RIOX2: variants seen among roughly 807,000 people sequenced by gnomAD.
RIOX2 encodes the protein 60S ribosomal protein L27a histidine hydroxylase.
RIOX2 carries 43 observed loss-of-function variants against 51.2 expected under a neutral mutation model. That is an observed-to-expected ratio of 0.84 (90% CI 0.66 to 1.08). The LOEUF (loss-of-function observed/expected upper bound fraction) is 1.08, where lower values mean the gene tolerates loss of function less well. Ranked by LOEUF, RIOX2 falls within the 50% of genes least tolerant of loss-of-function variation. The pLI is 0.00. For missense variants in RIOX2, 566 were observed against 561.7 expected, an observed-to-expected ratio of 1.01 and a Z score of -0.08; for synonymous variants, 226 against 218.5, an observed-to-expected ratio of 1.03 and a Z score of -0.30.
intron 9 of RIOX2, 149 bp from the exon 10 acceptor site, chr3:97,945,491 A>G: frequency 1.4e-6 from 1 of 703,786 alleles, no homozygotes; most frequent in Non-Finnish European, 2.3e-6. Context: ...AACATAAAAG[A>G]TGCCAACTTC....
Position 97,949,077 on chromosome 3 carries a change from T to C in RIOX2, c.1060+767A>G, listed in dbSNP as rs142521846. Among the ~76,000 whole-genome samples the C allele has an allele frequency of 5.9e-3, 898 of 152,276 alleles. 11 individuals are homozygous for C. The highest frequency in any genetic ancestry group is 0.02 in the African/African-American group (824 of 41,552). On this transcript the variant is annotated intron_variant, in intron 7 of 9. Coordinates refer to ENST00000394198, the MANE Select transcript of RIOX2 (RefSeq NM_153182.4). ...GATGGTAACAATTTTACCCATGCTA[T>C]GATTTGGATGTTTGTCCCATCCAAA...
chr3:97,965,761 A>G (rs776097115), intron 2 of RIOX2, among the ~76,000 whole-genome samples: 1 of 152,234 alleles, frequency 6.6e-6, no homozygotes, highest in Non-Finnish European at 1.5e-5. Context: ...CATATGCCAA[A>G]TATCATCTCT....
In RIOX2 at chr3:97,947,449, C is replaced by T; in HGVS notation, c.1061G>A (p.Gly354Asp). Residue 354 changes from glycine (G) to aspartate (D), a missense_variant and splice_region_variant, in exon 8 of 10, where the codon GGT becomes GAT. Gly to Asp is a moderately conservative substitution (Grantham distance 94). Coordinates refer to ENST00000394198, the MANE Select transcript of RIOX2 (RefSeq NM_153182.4). ...AGDGAELSTP[G>D]GKLPRLDSVV... Reference sequence around the variant, plus strand: ...ACTGTCCAGCCTCGGTAACTTTCCACCTAGAAAACCCCAAAGAGAGAAAGC... The same window carrying T: ...ACTGTCCAGCCTCGGTAACTTTCCATCTAGAAAACCCCAAAGAGAGAAAGC... 1 of 1,612,594 alleles carries T rather than the reference C, an allele frequency of 6.2e-7. No homozygotes were observed. The highest frequency in any genetic ancestry group is 8.5e-7 in the Non-Finnish European group (1 of 1,178,924).
intron 8 of RIOX2, among the ~76,000 whole-genome samples, chr3:97,946,454 A>C (rs1046039809): frequency 6.6e-6 from 1 of 151,680 alleles, no homozygotes; most frequent in Non-Finnish European, 1.5e-5. Flanking sequence ...CAGAGCCTTT[A>C]GTCATTCTTT....
intron 2 of RIOX2, among the ~76,000 whole-genome samples, chr3:97,966,521 T>C (rs1253230920): frequency 6.6e-6 from 1 of 152,240 alleles, no homozygotes; most frequent in Non-Finnish European, 1.5e-5. Context: ...ATTTCCCAAA[T>C]GTCAATCCCT....
intron 2 of RIOX2, among the ~76,000 whole-genome samples, chr3:97,963,128 AC>A (rs1559763495): frequency 6.6e-6 from 1 of 152,128 alleles, no homozygotes; most frequent in Non-Finnish European, 1.5e-5. Flanking sequence ...ATGAAAAAAG[AC>A]TTTTTTAAGA....
intron 1 of RIOX2, 139 bp from the exon 2 acceptor site, chr3:97,967,771 G>T: frequency 1.7e-6 from 1 of 598,608 alleles, no homozygotes; most frequent in Non-Finnish European, 2.8e-6. Flanking sequence ...CTTCCCCCAG[G>T]ATAGGAGACA....
At chr3:97,960,650 C>G (rs2107176702) in intron 3 of RIOX2, among the ~76,000 whole-genome samples, 1 of 152,238 alleles carries the variant, frequency 6.6e-6, no homozygotes, top group East Asian at 1.9e-4. Flanking sequence ...CAAAAGTTGC[C>G]ACTACTGGGT....
At chr3:97,954,858 T>TAAGA (rs1444590012) in intron 4 of RIOX2, among the ~76,000 whole-genome samples, 2 of 152,172 alleles carry the variant, frequency 1.3e-5, no homozygotes, top group Admixed American at 1.3e-4. Context: ...CTTCAGTGGT[T>TAAGA]AAGAGTAGGA....
chr3:97,945,817 C>A lies in RIOX2; in HGVS notation c.1220G>T (p.Gly407Val), dbSNP rs758089382. ...ACAAACCTCTGTTTCCTCCTCATTT[C>A]CCATCATGTGTGTCTCTCTACTATT... The part of the protein sequence containing the change: ...LKNSRETHMM[G>V]NEEETEFHGL... Residue 407 changes from glycine to valine, a missense_variant, in exon 9 of 10, where the codon GGA becomes GTA. By Grantham distance (109) the Gly-to-Val change is moderately radical. Coordinates refer to ENST00000394198, the MANE Select transcript of RIOX2 (RefSeq NM_153182.4). The A allele has an allele frequency of 1.2e-6, 2 of 1,610,272 alleles. No individual in the cohort carries two copies. The highest frequency in any genetic ancestry group is 1.1e-5 in the South Asian group (1 of 90,930).
At position 97,959,048 on chromosome 3, in the gene RIOX2, T is replaced by C. The variant is rs200078006; in HGVS notation, c.681+3A>G. 9.3e-6 allele frequency: 15 copies of C among 1,608,272 alleles called. No individual in the cohort carries two copies. Among genetic ancestry groups the C allele is most frequent in the Admixed American group, 5.1e-5 (3 of 59,212 alleles). ...TGAGGTGCCCACAACGGTTATCACA[T>C]ACCTTCAGCATAAACTCATGCACCG... On this transcript the variant is annotated splice_donor_region_variant and intron_variant, in intron 4 of 9. Coordinates refer to ENST00000394198, the MANE Select transcript of RIOX2 (RefSeq NM_153182.4).
chr3:97,950,012 C>T lies in RIOX2; in HGVS notation c.892G>A (p.Val298Met). Residue 298 changes from valine (V) to methionine (M), a missense_variant, in exon 7 of 10, where the codon GTG becomes ATG. Coordinates refer to ENST00000394198, the MANE Select transcript of RIOX2 (RefSeq NM_153182.4). Reference protein sequence around the residue: ...TGIPRQLLLQVESTTVATRRL... With the variant: ...TGIPRQLLLQMESTTVATRRL... ...CTTGTAGCAACAGTTGTGGATTCCACCTGCTAGGAACACAGAAGTGAGTCC... is the reference window on the plus strand; with the variant it reads ...CTTGTAGCAACAGTTGTGGATTCCATCTGCTAGGAACACAGAAGTGAGTCC... 6.2e-7 allele frequency: 1 copy of T among 1,613,304 alleles called. No individual in the cohort carries two copies. Among genetic ancestry groups the T allele is most frequent in the Non-Finnish European group, 8.5e-7 (1 of 1,179,824 alleles).
chr3:97,958,985 T>C, intron 4 of RIOX2, 66 bp downstream of exon 4: 3 of 1,499,844 alleles, frequency 2.0e-6, no homozygotes, highest in Non-Finnish European at 2.7e-6. Flanking sequence ...AGCCTGAACT[T>C]GTCTTAGCAA....
chr3:97,966,385 C>T (rs1048083598), intron 2 of RIOX2, among the ~76,000 whole-genome samples: 7 of 152,134 alleles, frequency 4.6e-5, no homozygotes, highest in African/African-American at 1.4e-4. Flanking sequence ...TCAGAACAGC[C>T]CCTCACCTAT....
chr3:97,958,987 T>C (rs966590361), intron 4 of RIOX2, 64 bp downstream of exon 4: 1 of 1,505,102 alleles, frequency 6.6e-7, no homozygotes, highest in African/African-American at 1.4e-5. Flanking sequence ...CCTGAACTTG[T>C]CTTAGCAATA....
chr3:97,964,493 A>T (rs1705800795), intron 2 of RIOX2, among the ~76,000 whole-genome samples: 1 of 151,910 alleles, frequency 6.6e-6, no homozygotes, highest in Non-Finnish European at 1.5e-5. Flanking sequence ...GTTCAAGGCC[A>T]GCCTGGCCAA....
intron 1 of RIOX2, among the ~76,000 whole-genome samples, chr3:97,971,413 G>A (rs980747754): frequency 2.0e-5 from 3 of 152,152 alleles, no homozygotes; most frequent in African/African-American, 7.2e-5. Flanking sequence ...TTAAACACAC[G>A]GCTGTCAGAA....
chr3:97,968,114 C>T (rs146739321), intron 1 of RIOX2, among the ~76,000 whole-genome samples: 1 of 152,282 alleles, frequency 6.6e-6, no homozygotes, highest in Non-Finnish European at 1.5e-5. Flanking sequence ...AGGTGCTCCT[C>T]ACCGCAGCAC....
chr3:97,957,528 C>A (rs895405435), intron 4 of RIOX2, among the ~76,000 whole-genome samples: 5 of 149,004 alleles, frequency 3.4e-5, no homozygotes, highest in Non-Finnish European at 7.4e-5. Flanking sequence ...CATGCACATA[C>A]ACATACACAC....
Sources: allele counts gnomAD v4.1 joint callset (sites outside exome capture counted in the v4.1 genomes callset), GRCh38; gene constraint gnomAD v4.1.1; transcripts MANE v1.5; gene names NCBI Gene and HGNC (gene_info 2026-07-23, HGNC 2026-07-21).